NAV2: variants seen among roughly 807,000 people sequenced by gnomAD.
NAV2 encodes the protein neuron navigator 2.
NAV2 carries 54 observed loss-of-function variants against 223.2 expected under a neutral mutation model. The ratio of observed to expected loss-of-function variants is 0.24; its 90% CI spans 0.19 to 0.30. The LOEUF is 0.30. NAV2 is among the 10% of genes least tolerant of loss of function. NAV2 has a pLI of 1.00. For synonymous variants in NAV2, 1,279 were observed against 1,239.3 expected (o/e 1.03, Z -0.67); for missense variants, 2,806 against 3,147.5 (o/e 0.89, Z 2.60).
intron 1 of NAV2, among the ~76,000 whole-genome samples, chr11:19,446,594 G>A (rs903741256): frequency 6.6e-6 from 1 of 152,124 alleles, no homozygotes; most frequent in African/African-American, 2.4e-5. Context: ...GATAGCAGGG[G>A]GTTAGCAATT....
Position 19,933,933 on chromosome 11 carries a change from A to G in NAV2, c.1689A>G (p.Gly563=). 1 of 1,593,248 alleles carries G rather than the reference A, an allele frequency of 6.3e-7. No homozygotes were observed. The highest frequency in any genetic ancestry group is 1.1e-5 in the South Asian group (1 of 88,038). The change falls in exon 7 of 38, where the codon GGA becomes GGG. Residue 563 remains glycine (G), a synonymous_variant. Coordinates refer to ENST00000349880, the MANE Select transcript of NAV2 (RefSeq NM_145117.5). This position sits in a 1 kb window ranked among gnomAD's most constrained non-coding sequence, Gnocchi z 4.3. The part of the protein sequence containing the change: ...KKEPMAPSHS[G]IPKPGMKSMP... The stretch of plus-strand genomic sequence containing the variant: ...AGCCCATGGCCCCTTCCCACAGTGG[A>G]ATACCAAAACCAGGAATGAAAAGCA...
chr11:20,057,013 G>A (rs1044438753), intron 19 of NAV2, among the ~76,000 whole-genome samples: 1 of 152,170 alleles, frequency 6.6e-6, no homozygotes, highest in Admixed American at 6.5e-5. Context: ...GCAGCTCAAA[G>A]TCCCCAGCCA....
chr11:19,763,337 T>C (rs1366094959), intron 1 of NAV2, among the ~76,000 whole-genome samples: 1 of 152,254 alleles, frequency 6.6e-6, no homozygotes, highest in African/African-American at 2.4e-5. Flanking sequence ...GCAAGAATTC[T>C]GGCAGATGAA....
At chr11:19,881,203 T>C (rs998085195) in intron 5 of NAV2, among the ~76,000 whole-genome samples, 2 of 152,226 alleles carry the variant, frequency 1.3e-5, no homozygotes, top group African/African-American at 4.8e-5. Flanking sequence ...GTTGTGATGA[T>C]GTTAAAACCA....
chr11:19,757,747 A>T (rs1312427465), intron 1 of NAV2, among the ~76,000 whole-genome samples: 2 of 152,196 alleles, frequency 1.3e-5, no homozygotes, highest in Non-Finnish European at 2.9e-5. Flanking sequence ...TGTTCTGGGT[A>T]CTTTTCATGG....
chr11:19,857,597 A>C lies in NAV2; in HGVS notation c.439-11328A>C, dbSNP rs192182657. On this transcript the variant is annotated intron_variant, in intron 3 of 37. Coordinates refer to ENST00000349880, the MANE Select transcript of NAV2 (RefSeq NM_145117.5). ...GGTAATTGCACTGGGTGAAATCTCCAACAAGTGTCTGTAGTCCCACTCTGT... is the reference window on the plus strand; with the variant it reads ...GGTAATTGCACTGGGTGAAATCTCCCACAAGTGTCTGTAGTCCCACTCTGT... Among the ~76,000 whole-genome samples the C allele has an allele frequency of 3.1e-3, 468 of 152,302 alleles. 1 individual carries two copies. Among genetic ancestry groups the C allele is most frequent in the African/African-American group, 0.011 (442 of 41,560 alleles).
intron 1 of NAV2, among the ~76,000 whole-genome samples, chr11:19,618,017 C>A (rs10766575): frequency 6.6e-6 from 1 of 152,122 alleles, no homozygotes; most frequent in African/African-American, 2.4e-5. Context: ...CATTACTTTA[C>A]GCTATTTTTC....
chr11:19,455,555 G>A (rs1412152446), intron 1 of NAV2, among the ~76,000 whole-genome samples: 1 of 152,020 alleles, frequency 6.6e-6, no homozygotes, highest in Non-Finnish European at 1.5e-5. Flanking sequence ...ATAATGCCTG[G>A]CACTTAGGGC....
At chr11:20,088,263 G>A (rs538540774) in intron 26 of NAV2, among the ~76,000 whole-genome samples, 12 of 152,196 alleles carry the variant, frequency 7.9e-5, no homozygotes, top group Middle Eastern at 3.4e-3. Context: ...CTGCAACCTC[G>A]ACCTCTCAGG....
At chr11:19,950,925 A>T (rs1012292508) in intron 10 of NAV2, among the ~76,000 whole-genome samples, 2 of 152,190 alleles carry the variant, frequency 1.3e-5, no homozygotes, top group Non-Finnish European at 2.9e-5. Flanking sequence ...TAGCAGATGG[A>T]GTGGGGAAAC....
At chr11:19,952,229 T>C (rs1055946730) in intron 10 of NAV2, among the ~76,000 whole-genome samples, 10 of 152,232 alleles carry the variant, frequency 6.6e-5, no homozygotes, top group Admixed American at 4.6e-4. Context: ...GTTGAGGCAA[T>C]TGATGTAGTG....
At chr11:19,348,552 C>G (rs1444813956), upstream of NAV2, among the ~76,000 whole-genome samples, 1 of 152,180 alleles carries the variant, frequency 6.6e-6, no homozygotes, top group Middle Eastern at 3.2e-3. Context: ...GTTGTCTCAT[C>G]TCGAATACAA....
At chr11:20,034,950 C>T (rs1339537458) in intron 11 of NAV2, among the ~76,000 whole-genome samples, 1 of 152,060 alleles carries the variant, frequency 6.6e-6, no homozygotes, top group Non-Finnish European at 1.5e-5. Flanking sequence ...CAGAGCCACT[C>T]GCAATGGAGA....
intron 4 of NAV2, among the ~76,000 whole-genome samples, chr11:19,870,681 A>C (rs529286072): frequency 6.6e-6 from 1 of 152,294 alleles, no homozygotes; most frequent in East Asian, 1.9e-4. Context: ...GCAGGATTTT[A>C]TCTGTATTGG....
At chr11:19,604,158 T>C (rs922767657) in intron 1 of NAV2, among the ~76,000 whole-genome samples, 7 of 152,184 alleles carry the variant, frequency 4.6e-5, no homozygotes, top group Admixed American at 2.0e-4. Context: ...TGGAGGGTTT[T>C]AAGCAGAGGA....
At chr11:19,931,670 A>G (rs2045355445) in intron 6 of NAV2, 1 of 151,474 alleles carries the variant, frequency 6.6e-6, no homozygotes, top group African/African-American at 2.4e-5. Context: ...TGTGGATGAC[A>G]AAAGTTAATT....
At chr11:20,012,792 CA>C (rs1210790592) in intron 11 of NAV2, among the ~76,000 whole-genome samples, 1 of 152,096 alleles carries the variant, frequency 6.6e-6, no homozygotes, top group Non-Finnish European at 1.5e-5. Flanking sequence ...AAATCATCCC[CA>C]ATGTGCCAAT....
chr11:19,952,114 A>G (rs2047445651), intron 10 of NAV2, among the ~76,000 whole-genome samples: 1 of 152,240 alleles, frequency 6.6e-6, no homozygotes, highest in Admixed American at 6.5e-5. Context: ...AGAGCAAGAC[A>G]CTTAATGTCT....
At chr11:19,896,373 T>A (rs2041985420) in intron 6 of NAV2, among the ~76,000 whole-genome samples, 1 of 152,132 alleles carries the variant, frequency 6.6e-6, no homozygotes. Context: ...TACTCTCTGT[T>A]TTTATGAGTG....
Sources: gnomAD v4.1 joint callset for allele counts (sites outside exome capture counted in the v4.1 genomes callset) on GRCh38, gnomAD v4.1.1 for gene constraint, Gnocchi (gnomAD v3.1) non-coding constraint, MANE v1.5 for transcripts, NCBI Gene and HGNC (gene_info 2026-07-23, HGNC 2026-07-21) for gene names.